The following ARHGEF33 variants were observed in gnomAD, a reference collection of about 807,000 sequenced individuals.
ARHGEF33 encodes Rho guanine nucleotide exchange factor 33.
Under a neutral mutation model 101.9 loss-of-function variants are expected in ARHGEF33, and 72 were observed. The ratio of observed to expected loss-of-function variants is 0.71; its 90% CI spans 0.58 to 0.86. The LOEUF (loss-of-function observed/expected upper bound fraction) is 0.86, where lower values mean the gene tolerates loss of function less well. Among genes scored for constraint, ARHGEF33 ranks in the 40% least tolerant of loss-of-function variants. ARHGEF33 has a pLI of 0.00. For missense variants in ARHGEF33, 1,169 were observed against 1,111.3 expected, an observed-to-expected ratio of 1.05 and a Z score of -0.74; for synonymous variants, 499 against 442.5, an observed-to-expected ratio of 1.13 and a Z score of -1.60.
At chr2:38,910,899 A>C (rs754571348) in intron 2 of ARHGEF33, among the ~76,000 whole-genome samples, 2 of 152,192 alleles carry the variant, frequency 1.3e-5, no homozygotes, top group Admixed American at 1.3e-4. Context: ...CAGTTTATTT[A>C]AATTTAGAGA....
intron 4 of ARHGEF33, among the ~76,000 whole-genome samples, chr2:38,922,319 C>T (rs908790196): frequency 1.3e-5 from 2 of 151,946 alleles, no homozygotes; most frequent in African/African-American, 4.8e-5. Context: ...AGGTTTTAAG[C>T]CCTGGTAACT....
intron 4 of ARHGEF33, among the ~76,000 whole-genome samples, chr2:38,927,284 G>A (rs1666895732): frequency 6.6e-6 from 1 of 152,194 alleles, no homozygotes; most frequent in Admixed American, 6.5e-5. Context: ...ATAGTGAGTG[G>A]GAGGTGCCAT....
intron 1 of ARHGEF33, among the ~76,000 whole-genome samples, chr2:38,893,964 A>T (rs1246167717): frequency 6.6e-6 from 1 of 152,132 alleles, no homozygotes; most frequent in Non-Finnish European, 1.5e-5. Flanking sequence ...AAGACTGAAG[A>T]CTGTTGTTAA....
At chr2:38,929,560 G>A (rs2124997823) in intron 5 of ARHGEF33, 149 bp from the exon 6 acceptor site, 2 of 537,650 alleles carry the variant, frequency 3.7e-6, no homozygotes, top group South Asian at 8.0e-5. Context: ...GTTAAAATTT[G>A]AGGCCACGAT....
intron 9 of ARHGEF33, among the ~76,000 whole-genome samples, chr2:38,939,339 T>C (rs1667240711): frequency 6.6e-6 from 1 of 152,172 alleles, no homozygotes; most frequent in Admixed American, 6.5e-5. Context: ...TTCTCTTGGG[T>C]GTATACCTAG....
intron 9 of ARHGEF33, among the ~76,000 whole-genome samples, chr2:38,942,867 G>T (rs1667348922): frequency 6.6e-6 from 1 of 152,216 alleles, no homozygotes; most frequent in Non-Finnish European, 1.5e-5. Context: ...GACCGAGCTT[G>T]TCAATCAGTG....
chr2:38,945,736 C>A (rs182865348), intron 10 of ARHGEF33, among the ~76,000 whole-genome samples: 7 of 152,130 alleles, frequency 4.6e-5, no homozygotes, highest in Non-Finnish European at 7.4e-5. Context: ...TCTGGGGAGG[C>A]GGGGTAAGTC....
chr2:38,958,274 A>G, intron 15 of ARHGEF33, 76 bp downstream of exon 15: 2 of 1,504,868 alleles, frequency 1.3e-6, no homozygotes, highest in South Asian at 2.5e-5. Context: ...TTAGCAGGGC[A>G]GCCTAGATTC....
intron 6 of ARHGEF33, 118 bp downstream of exon 6, chr2:38,929,948 C>G (rs1666958446): frequency 1.2e-5 from 10 of 818,736 alleles, no homozygotes; most frequent in Non-Finnish European, 1.9e-5. Context: ...TGCTCCACAG[C>G]TTGGCATGCG....
At chr2:38,947,870 G>A (rs1174127830) in intron 10 of ARHGEF33, among the ~76,000 whole-genome samples, 1 of 152,068 alleles carries the variant, frequency 6.6e-6, no homozygotes, top group Non-Finnish European at 1.5e-5. Context: ...GCCCATCCAG[G>A]GTGGCGGGAA....
At position 38,954,369 on chromosome 2, in the gene ARHGEF33, T is replaced by G; in HGVS notation, c.1138-4T>G. ...AAGAGTAACTTGACCTTTCTTTCAT[T>G]CAGGGTGATGAAGAGATTAAATCTG... is the stretch of plus-strand genomic sequence containing the variant. On this transcript the variant is annotated splice_polypyrimidine_tract_variant and splice_region_variant and intron_variant, in intron 12 of 17. Coordinates refer to ENST00000409978, the MANE Select transcript of ARHGEF33 (RefSeq NM_001145451.5). 1 of 1,535,648 alleles carries G rather than the reference T, an allele frequency of 6.5e-7. No individual in the cohort carries two copies. Among genetic ancestry groups the G allele is most frequent in the Non-Finnish European group, 8.8e-7 (1 of 1,132,510 alleles).
At chr2:38,951,193 T>C (rs1667594710) in intron 11 of ARHGEF33, 72 bp downstream of exon 11, 1 of 1,397,586 alleles carries the variant, frequency 7.2e-7, no homozygotes, top group African/African-American at 1.4e-5. Flanking sequence ...CTTCTCTTAA[T>C]AGAGAATCTA....
chr2:38,957,854 T>C, intron 14 of ARHGEF33, 180 bp from the exon 15 acceptor site: 2 of 673,682 alleles, frequency 3.0e-6, no homozygotes, highest in Non-Finnish European at 2.5e-6. Context: ...TCAGCTTCCC[T>C]AGTCCTGCCA....
Position 38,960,072 on chromosome 2 carries a change from C to T in ARHGEF33, c.1767C>T (p.Gly589=), listed in dbSNP as rs1329592886. ...DFESSPAEPL[G]NVERSLRAPA... ...AGTCCTCTCCGGCGGAGCCGCTGGG[C>T]AACGTGGAGCGCTCCCTGCGCGCCC... Residue 589 remains glycine (G), a synonymous_variant, in exon 16 of 18, where the codon GGC becomes GGT. Transcript: ENST00000409978. 3 of 1,541,980 alleles carry T rather than the reference C, an allele frequency of 1.9e-6. No homozygotes were observed. The highest frequency in any genetic ancestry group is 1.2e-5 in the South Asian group (1 of 83,750).
intron 17 of ARHGEF33, among the ~76,000 whole-genome samples, chr2:38,971,240 A>T (rs1038088458): frequency 6.6e-6 from 1 of 152,206 alleles, no homozygotes; most frequent in East Asian, 1.9e-4. Context: ...GGTATGACCT[A>T]CTGAATTTGC....
chr2:38,958,989 T>C (rs1476242911), intron 15 of ARHGEF33, among the ~76,000 whole-genome samples: 1 of 152,236 alleles, frequency 6.6e-6, no homozygotes, highest in African/African-American at 2.4e-5. Context: ...AGGCGATCCG[T>C]CTGCCTCGGC....
intron 9 of ARHGEF33, among the ~76,000 whole-genome samples, chr2:38,938,753 C>A (rs937956142): frequency 2.6e-5 from 4 of 152,100 alleles, no homozygotes; most frequent in Non-Finnish European, 5.9e-5. Context: ...AATATCCACC[C>A]AAAGAACCAC....
chr2:38,912,340 T>C (rs997595875), intron 2 of ARHGEF33, among the ~76,000 whole-genome samples: 1 of 152,154 alleles, frequency 6.6e-6, no homozygotes, highest in Non-Finnish European at 1.5e-5. Flanking sequence ...GAGTGAGAGA[T>C]TCCCAGTACA....
At position 38,960,174 on chromosome 2, in the gene ARHGEF33, C is replaced by A. The variant is rs1667881531; in HGVS notation, c.1869C>A (p.Phe623Leu). The part of the protein sequence containing the change: ...YEEFEYGGEI[F>L]ALPAPYDEEP... ...AGTTCGAGTACGGCGGCGAGATCTT[C>A]GCGCTGCCCGCGCCCTACGACGAGG... Residue 623 changes from phenylalanine (F) to leucine (L), a missense_variant, in exon 16 of 18, where the codon TTC becomes TTA. Physicochemically the swap from Phe to Leu is conservative, Grantham distance 22 (BLOSUM62 0). Transcript: ENST00000409978. 20 of 1,543,024 alleles carry A rather than the reference C, an allele frequency of 1.3e-5. No individual in the cohort carries two copies. The highest frequency in any genetic ancestry group is 1.7e-5 in the Non-Finnish European group (20 of 1,144,712).
Sources: allele counts gnomAD v4.1 joint callset (sites outside exome capture counted in the v4.1 genomes callset), GRCh38; gene constraint gnomAD v4.1.1; transcripts MANE v1.5; gene names NCBI Gene and HGNC (gene_info 2026-07-23, HGNC 2026-07-21).